Variants in SEMA4D observed in about 807,000 individuals in gnomAD.
SEMA4D encodes semaphorin 4D.
In SEMA4D, 22 loss-of-function variants were observed where a neutral mutation model predicts 74.8. That is an observed-to-expected ratio of 0.29 (90% CI 0.21 to 0.42). SEMA4D has a LOEUF of 0.42. SEMA4D is among the 10% of genes least tolerant of loss of function. SEMA4D has a pLI of 1.00. For synonymous variants in SEMA4D, 445 were observed against 463.7 expected (o/e 0.96, Z 0.52); for missense variants, 937 against 1,118.4 (o/e 0.84, Z 2.31).
At chr9:89,389,952 G>A (rs1839442388) in intron 9 of SEMA4D, among the ~76,000 whole-genome samples, 1 of 152,128 alleles carries the variant, frequency 6.6e-6, no homozygotes, top group Admixed American at 6.5e-5. Flanking sequence ...AGGAGCTGTG[G>A]GGCCTAAGCT....
In SEMA4D at chr9:89,453,737, T is replaced by C. The variant is rs73488250; in HGVS notation, c.-244+2151A>G. On this transcript the variant is annotated intron_variant, in intron 2 of 15. Coordinates refer to ENST00000422704, the MANE Select transcript of SEMA4D (RefSeq NM_001371194.2). ...CCCACAGTGGCACCGGGAACCACAA[T>C]GCCTGCTTTGTCCCCACACAAAGGC... is the stretch of plus-strand genomic sequence containing the variant. Among the ~76,000 whole-genome samples the C allele has an allele frequency of 5.8e-4, 89 of 152,344 alleles. 1 individual carries two copies. The highest frequency in any genetic ancestry group is 1.9e-3 in the African/African-American group (79 of 41,572).
At chr9:89,445,691 C>T (rs1386086792) in intron 2 of SEMA4D, among the ~76,000 whole-genome samples, 1 of 152,176 alleles carries the variant, frequency 6.6e-6, no homozygotes, top group African/African-American at 2.4e-5. Flanking sequence ...TGTGAAGCTT[C>T]CATTCACAGG....
At chr9:89,385,350 G>C in intron 13 of SEMA4D, 1 of 985,390 alleles carries the variant, frequency 1.0e-6, no homozygotes, top group African/African-American at 1.7e-5. Context: ...TGCCTGCCCA[G>C]TCTGGCTGAG....
intron 2 of SEMA4D, among the ~76,000 whole-genome samples, chr9:89,410,600 G>A (rs1048003698): frequency 1.3e-5 from 2 of 152,174 alleles, no homozygotes; most frequent in African/African-American, 4.8e-5. Flanking sequence ...ACAACTGGAC[G>A]ATCCATTCAG....
At chr9:89,459,249 T>TG (rs34277160) in intron 1 of SEMA4D, among the ~76,000 whole-genome samples, 23,757 of 152,136 alleles carry the variant, frequency 0.16, 2,459 homozygotes, top group South Asian at 0.23. Flanking sequence ...GGTAGTGCTC[T>TG]GGGGGGGTCC....
downstream of SEMA4D, among the ~76,000 whole-genome samples, chr9:89,376,034 C>T (rs937788946): frequency 3.3e-5 from 5 of 152,136 alleles, no homozygotes; most frequent in African/African-American, 9.7e-5. Context: ...GATCAGGTCT[C>T]GCTATGTTGC....
chr9:89,453,268 G>C (rs1361053492), intron 2 of SEMA4D, among the ~76,000 whole-genome samples: 1 of 152,224 alleles, frequency 6.6e-6, no homozygotes, highest in Non-Finnish European at 1.5e-5. Flanking sequence ...AGAAGGAAGA[G>C]CTTAAATGCA....
chr9:89,392,455 A>C lies in SEMA4D; in HGVS notation c.590T>G (p.Leu197Arg). The change falls in exon 8 of 16, where the codon CTG becomes CGG. Residue 197 changes from leucine to arginine, a missense_variant. Coordinates refer to ENST00000422704, the MANE Select transcript of SEMA4D (RefSeq NM_001371194.2). ...CCAAGGGATTGCATATTCTGTCCTC[A>C]GAGGACTGTGGGAAGAATTTCGGGA... ...IISRNSSHSP[L>R]RTEYAIPWLN... 1 of 1,613,778 alleles carries C rather than the reference A, an allele frequency of 6.2e-7. No homozygotes were observed. The highest frequency in any genetic ancestry group is 8.5e-7 in the Non-Finnish European group (1 of 1,179,696).
chr9:89,488,553 A>G (rs1472613247), intron 1 of SEMA4D, among the ~76,000 whole-genome samples: 1 of 151,808 alleles, frequency 6.6e-6, no homozygotes. Flanking sequence ...TTGTACTTTT[A>G]GTAGAGACAG....
chr9:89,473,390 C>T (rs887505986), intron 1 of SEMA4D, among the ~76,000 whole-genome samples: 5 of 151,576 alleles, frequency 3.3e-5, no homozygotes, highest in Non-Finnish European at 7.4e-5. Context: ...TCCTAGGCAA[C>T]ACAGCAAGAC....
chr9:89,391,227 G>A lies in SEMA4D; in HGVS notation c.774+37C>T, dbSNP rs1399642914. The A allele has an allele frequency of 4.6e-5, 73 of 1,602,986 alleles. No individual in the cohort carries two copies. The Admixed American group carries it at 1.2e-3, about 25-fold the overall frequency. On this transcript the variant is annotated intron_variant, in intron 9 of 15. Transcript: ENST00000422704. ...ATCATCCAGGCACACTATTGCCATG[G>A]CAGGGGCCAAGCGAAGCCAGAGTGC... is the stretch of plus-strand genomic sequence containing the variant.
chr9:89,410,870 T>C (rs767522526), intron 2 of SEMA4D, among the ~76,000 whole-genome samples: 4 of 152,204 alleles, frequency 2.6e-5, no homozygotes, highest in Non-Finnish European at 4.4e-5. Flanking sequence ...CGCCTTTGAA[T>C]CCCAGGGAAG....
chr9:89,461,698 C>CTGT (rs1564875900), intron 1 of SEMA4D, among the ~76,000 whole-genome samples: 1 of 67,944 alleles, frequency 1.5e-5, no homozygotes, highest in African/African-American at 5.2e-5. Context: ...TTTCTTTTTT[C>CTGT]TCTTTTTTTT....
intron 2 of SEMA4D, among the ~76,000 whole-genome samples, chr9:89,429,007 G>T (rs1025745081): frequency 1.3e-5 from 2 of 152,158 alleles, no homozygotes; most frequent in African/African-American, 4.8e-5. Flanking sequence ...CTGTGGGGGG[G>T]GTCTCCCCTT....
intron 4 of SEMA4D, among the ~76,000 whole-genome samples, chr9:89,400,768 G>A (rs1842031536): frequency 6.7e-6 from 1 of 149,796 alleles, no homozygotes. Context: ...CTGATGCTTG[G>A]CGGGGGTCTC....
intron 6 of SEMA4D, among the ~76,000 whole-genome samples, chr9:89,394,996 A>G (rs1213838110): frequency 1.3e-5 from 2 of 152,128 alleles, no homozygotes; most frequent in African/African-American, 2.4e-5. Flanking sequence ...ATGTACACAG[A>G]CACACATGTG....
chr9:89,404,407 G>A (rs1842830580), intron 3 of SEMA4D, among the ~76,000 whole-genome samples: 1 of 152,188 alleles, frequency 6.6e-6, no homozygotes, highest in South Asian at 2.1e-4. Flanking sequence ...AGTATCTACA[G>A]TTGTCACAGC....
chr9:89,390,189 C>T lies in SEMA4D; in HGVS notation c.774+1075G>A, dbSNP rs1231320349. Among the ~76,000 whole-genome samples, 7 of 152,166 alleles carry T rather than the reference C, an allele frequency of 4.6e-5. No homozygotes were observed. In the South Asian group the frequency reaches 8.3e-4, roughly 18 times the overall value. On this transcript the variant is annotated intron_variant, in intron 9 of 15. Coordinates refer to ENST00000422704, the MANE Select transcript of SEMA4D (RefSeq NM_001371194.2). Reference sequence around the variant, plus strand: ...GGCTTCCCGATGGCAGGGGAGGGCTCGAGTCCCCTGGCCAGTGCTGCTCTG... The same window carrying T: ...GGCTTCCCGATGGCAGGGGAGGGCTTGAGTCCCCTGGCCAGTGCTGCTCTG...
chr9:89,404,560 CCGCCT>C (rs1842863040), intron 3 of SEMA4D, among the ~76,000 whole-genome samples: 1 of 105,326 alleles, frequency 9.5e-6, no homozygotes, highest in Non-Finnish European at 2.7e-5. Context: ...CCCCAGCCAC[CCGCCT>C]CAGCATCCCA....
Sources: gnomAD v4.1 joint callset for allele counts (sites outside exome capture counted in the v4.1 genomes callset) on GRCh38, gnomAD v4.1.1 for gene constraint, MANE v1.5 for transcripts, NCBI Gene and HGNC (gene_info 2026-07-23, HGNC 2026-07-21) for gene names.